NPIPB11: variants seen among roughly 807,000 people sequenced by gnomAD.
The protein encoded by NPIPB11 is nuclear pore complex interacting protein family member B11, also known as nuclear pore complex-interacting protein family member B11.
NPIPB11 carries 17 observed loss-of-function variants against 32.8 expected under a neutral mutation model. That is an observed-to-expected ratio of 0.52 (90% CI 0.35 to 0.78). The LOEUF (loss-of-function observed/expected upper bound fraction) is 0.78, where lower values mean the gene tolerates loss of function less well. Among genes scored for constraint, NPIPB11 ranks in the 30% least tolerant of loss-of-function variants. The pLI, the probability that NPIPB11 is intolerant of heterozygous loss-of-function variation, is 0.01. For synonymous variants in NPIPB11, 209 were observed against 398.4 expected (o/e 0.52, Z 5.66); for missense variants, 537 against 1,000.4 (o/e 0.54, Z 6.25).
chr16:29,405,918 G>C (rs1964103767), upstream of NPIPB11, among the ~76,000 whole-genome samples: 1 of 152,228 alleles, frequency 6.6e-6, no homozygotes, highest in African/African-American at 2.4e-5. Context: ...TACCCCTTTT[G>C]ATCACTTAGC....
intron 2 of NPIPB11, 90 bp downstream of exon 2, chr16:29,403,592 TC>T: frequency 1.3e-6 from 1 of 768,546 alleles, no homozygotes; most frequent in Non-Finnish European, 2.1e-6. Flanking sequence ...TGCGTAAGCT[TC>T]CCCCAGCATC....
chr16:29,400,917 T>A (rs1405041248), intron 2 of NPIPB11, among the ~76,000 whole-genome samples: 1 of 151,924 alleles, frequency 6.6e-6, no homozygotes, highest in Non-Finnish European at 1.5e-5. Flanking sequence ...ACCCCCACTA[T>A]CCCCACAGAC....
At chr16:29,382,224 C>T (rs544831436) in exon 8 of NPIPB11, 30 of 1,567,016 alleles carry the variant, frequency 1.9e-5, no homozygotes, top group South Asian at 1.1e-4. Context: ...AGTGAGCTGA[C>T]GTTTGGAAGG....
rs970000516 is a variant in NPIPB11 at position 29,397,044 on chromosome 16, C to A, written c.121-2968G>T. On this transcript the variant is annotated intron_variant, in intron 2 of 7. Coordinates refer to ENST00000524087, the Ensembl canonical transcript of NPIPB11. ...ACTAAAAATACAAAAATTAGCCAGG[C>A]GTTGTAATCTGAGCTACTCAGGAGG... Among the ~76,000 whole-genome samples the A allele has an allele frequency of 2.2e-4, 34 of 151,134 alleles. 3 individuals are homozygous for A. The highest frequency in any genetic ancestry group is 1.3e-3 in the Admixed American group (19 of 15,184).
upstream of NPIPB11, among the ~76,000 whole-genome samples, chr16:29,406,627 T>G (rs905048099): frequency 1.3e-5 from 2 of 152,118 alleles, no homozygotes; most frequent in Non-Finnish European, 2.9e-5. Flanking sequence ...GACAGGAGAA[T>G]TGCTTGAACC....
chr16:29,393,875 T>C (rs1468273958), intron 3 of NPIPB11, 73 bp downstream of exon 3: 58 of 1,294,788 alleles, frequency 4.5e-5, no homozygotes, highest in Middle Eastern at 2.0e-4. Flanking sequence ...AGTCCAGAAA[T>C]GTGAATTGTT....
In NPIPB11 at chr16:29,384,104, G is replaced by C. The variant is rs963801955; in HGVS notation, c.828C>G (p.Pro276=). Residue 276 remains proline (P), a synonymous_variant, in exon 8 of 8, where the codon CCC becomes CCG. Coordinates refer to ENST00000524087, the Ensembl canonical transcript of NPIPB11. ...GTGTCTTGAGATTATCATCCGCTGAGGGTGGAAGGGGAGTGAGCAGACACT... is the reference window on the plus strand; with the variant it reads ...GTGTCTTGAGATTATCATCCGCTGACGGTGGAAGGGGAGTGAGCAGACACT... 7 of 1,179,748 alleles carry C rather than the reference G, an allele frequency of 5.9e-6. 1 individual carries two copies. Among genetic ancestry groups the C allele is most frequent in the Non-Finnish European group, 8.0e-6 (7 of 875,904 alleles). 73.1% of individuals were successfully genotyped at this position (1,179,748 alleles called of 1,614,324 possible).
chr16:29,406,658 G>C (rs1964119522), upstream of NPIPB11, among the ~76,000 whole-genome samples: 1 of 152,034 alleles, frequency 6.6e-6, no homozygotes. Flanking sequence ...AGGTTGCAGT[G>C]AGCCGAGATC....
chr16:29,394,682 T>G (rs1435391328), intron 2 of NPIPB11, among the ~76,000 whole-genome samples: 1 of 152,160 alleles, frequency 6.6e-6, no homozygotes, highest in Non-Finnish European at 1.5e-5. Flanking sequence ...TCTGCCTGCC[T>G]CAGCCTCCCA....
intron 5 of NPIPB11, among the ~76,000 whole-genome samples, chr16:29,389,671 A>G (rs1445422819): frequency 1.8e-5 from 1 of 54,442 alleles, no homozygotes; most frequent in East Asian, 3.1e-4. Flanking sequence ...ATCTCAGGAA[A>G]AAAAAAAAAA....
At chr16:29,399,087 A>G (rs975292415) in intron 2 of NPIPB11, among the ~76,000 whole-genome samples, 1 of 150,842 alleles carries the variant, frequency 6.6e-6, no homozygotes, top group South Asian at 2.1e-4. Context: ...AGGGCTTGGC[A>G]GCATCATGTG....
intron 3 of NPIPB11, among the ~76,000 whole-genome samples, chr16:29,390,898 G>T (rs572317715): frequency 3.7e-4 from 55 of 148,290 alleles, no homozygotes; most frequent in Non-Finnish European, 6.5e-4. Context: ...AGCAGGAAAA[G>T]GTTGTGGTGA....
chr16:29,390,993 C>A (rs917125912), intron 3 of NPIPB11, among the ~76,000 whole-genome samples: 1 of 150,128 alleles, frequency 6.7e-6, no homozygotes, highest in African/African-American at 2.4e-5. Flanking sequence ...AATAGGCCAC[C>A]TGCGGTAGCT....
At position 29,402,742 on chromosome 16, in the gene NPIPB11, G is replaced by C. The variant is rs1355898461; in HGVS notation, c.120+941C>G. ...TCTCTCTCTGTGTGTGTGTGTGTGT[G>C]TGTGTGTGTGTGTGTGTGTGTGTAT... On this transcript the variant is annotated intron_variant, in intron 2 of 7. Coordinates refer to ENST00000524087, the Ensembl canonical transcript of NPIPB11. Among the ~76,000 whole-genome samples the C allele has an allele frequency of 8.5e-3, 1,272 of 150,326 alleles. 23 individuals carry two copies. Among genetic ancestry groups the C allele is most frequent in the African/African-American group, 0.029 (1,182 of 40,410 alleles).
At chr16:29,405,088 G>T (rs1431769371), upstream of NPIPB11, among the ~76,000 whole-genome samples, 1 of 149,768 alleles carries the variant, frequency 6.7e-6, no homozygotes, top group East Asian at 2.0e-4. Context: ...AGCTTTGGGA[G>T]CTTGTAGCAA....
intron 3 of NPIPB11, among the ~76,000 whole-genome samples, chr16:29,392,094 T>C (rs1470549910): frequency 1.3e-5 from 2 of 151,704 alleles, no homozygotes; most frequent in African/African-American, 2.4e-5. Context: ...AAAAAAATCA[T>C]GTACTAGGAT....
At position 29,399,375 on chromosome 16, in the gene NPIPB11, T is replaced by C. The variant is rs547364809; in HGVS notation, c.120+4308A>G. Among the ~76,000 whole-genome samples the C allele has an allele frequency of 4.3e-4, 64 of 148,890 alleles. 1 individual carries two copies. Among genetic ancestry groups the C allele is most frequent in the African/African-American group, 1.5e-3 (62 of 40,158 alleles). On this transcript the variant is annotated intron_variant, in intron 2 of 7. Transcript: ENST00000524087. ...GGAAAGCCAATGCCTTTACCATAAATAGAAAAACAACCCTAAGAAACAAGC... is the reference window on the plus strand; with the variant it reads ...GGAAAGCCAATGCCTTTACCATAAACAGAAAAACAACCCTAAGAAACAAGC...
At chr16:29,406,351 T>C (rs568105151), upstream of NPIPB11, among the ~76,000 whole-genome samples, 1 of 152,408 alleles carries the variant, frequency 6.6e-6, no homozygotes, top group South Asian at 2.1e-4. Flanking sequence ...ATTGCATACA[T>C]TTATACAAAT....
At chr16:29,405,251 T>C (rs902540758), upstream of NPIPB11, among the ~76,000 whole-genome samples, 4 of 151,808 alleles carry the variant, frequency 2.6e-5, no homozygotes, top group Admixed American at 2.6e-4. Context: ...TGTAGGACAA[T>C]GTGACTTTTT....
Sources: allele counts gnomAD v4.1 joint callset (sites outside exome capture counted in the v4.1 genomes callset), GRCh38; gene constraint gnomAD v4.1.1; transcripts MANE v1.5; gene names NCBI Gene and HGNC (gene_info 2026-07-23, HGNC 2026-07-21).